The following ZNF487 variants were observed in gnomAD, a reference collection of about 807,000 sequenced individuals.
ZNF487 encodes KRAB domain only 1.
Under a neutral mutation model 3.0 loss-of-function variants are expected in ZNF487, and 4 were observed. The ratio of observed to expected loss-of-function variants is 1.35; its 90% CI spans 0.66 to 3.08. The LOEUF (loss-of-function observed/expected upper bound fraction) is 3.08, where lower values mean the gene tolerates loss of function less well. Among genes scored for constraint, ZNF487 ranks in the 30% most tolerant of loss-of-function variants. The probability of loss-of-function intolerance (pLI) is 0.01; values close to 1 mark genes in which losing one functional copy is unlikely to be tolerated. For missense variants in ZNF487, 146 were observed against 98.7 expected (o/e 1.48, Z -2.03); for synonymous variants, 55 against 34.6 (o/e 1.59, Z -2.06).
At chr10:43,442,429 AATTT>A (rs566488632) in intron 1 of ZNF487, among the ~76,000 whole-genome samples, 48 of 151,818 alleles carry the variant, frequency 3.2e-4, no homozygotes, top group African/African-American at 1.0e-3. Context: ...GATTTTCCTG[AATTT>A]ATTTATTTAT....
At chr10:43,442,361 G>A (rs990625921) in intron 1 of ZNF487, among the ~76,000 whole-genome samples, 17 of 151,954 alleles carry the variant, frequency 1.1e-4, no homozygotes, top group African/African-American at 3.4e-4. Flanking sequence ...GAGCACTGAC[G>A]TCTTTATTCT....
At chr10:43,442,494 A>AG (rs1394943942) in intron 1 of ZNF487, among the ~76,000 whole-genome samples, 59 of 152,196 alleles carry the variant, frequency 3.9e-4, no homozygotes, top group Non-Finnish European at 1.0e-4. Flanking sequence ...CCCAGGCTGG[A>AG]GTGCAGTGGC....
chr10:43,514,900 C>T, the ZNF487 span, among the ~76,000 whole-genome samples: 1 of 152,216 alleles, frequency 6.6e-6, no homozygotes, highest in Non-Finnish European at 1.5e-5. Flanking sequence ...GACTAATCCA[C>T]TCCACCATCC....
At chr10:43,520,020 G>A in the ZNF487 span, among the ~76,000 whole-genome samples, 35 of 152,138 alleles carry the variant, frequency 2.3e-4, no homozygotes, top group Non-Finnish European at 4.4e-4. Flanking sequence ...TCTTATTGCT[G>A]TTGTTCTTGT....
At chr10:43,521,914 T>C in the ZNF487 span, among the ~76,000 whole-genome samples, 1 of 77,194 alleles carries the variant, frequency 1.3e-5, no homozygotes, top group African/African-American at 4.5e-5. Flanking sequence ...TGACTTTATA[T>C]ATACAAAAAG....
chr10:43,493,585 G>A, the ZNF487 span, among the ~76,000 whole-genome samples: 1 of 150,826 alleles, frequency 6.6e-6, no homozygotes, highest in African/African-American at 2.4e-5. Flanking sequence ...CAGCTACTTG[G>A]GAGGTTGAAG....
chr10:43,460,383 T>C (rs1840387260), intron 1 of ZNF487, among the ~76,000 whole-genome samples: 1 of 146,138 alleles, frequency 6.8e-6, no homozygotes, highest in Non-Finnish European at 1.5e-5. Context: ...TTTCTTTCTT[T>C]TTTTTTTTTT....
downstream of ZNF487, among the ~76,000 whole-genome samples, chr10:43,485,322 A>G (rs1305634449): frequency 6.6e-6 from 1 of 152,246 alleles, no homozygotes; most frequent in East Asian, 1.9e-4. Context: ...TACAAGTTTT[A>G]TGGTCTTTCA....
chr10:43,498,075 TTA>T, the ZNF487 span, among the ~76,000 whole-genome samples: 546 of 34,968 alleles, frequency 0.016, 25 homozygotes, highest in African/African-American at 0.028. Flanking sequence ...ATTTGGTATT[TTA>T]TATATATATA....
the ZNF487 span, among the ~76,000 whole-genome samples, chr10:43,518,881 T>G: frequency 6.6e-6 from 1 of 152,224 alleles, no homozygotes; most frequent in Non-Finnish European, 1.5e-5. Context: ...TCTAGACTCC[T>G]ACAGTATTTT....
the ZNF487 span, among the ~76,000 whole-genome samples, chr10:43,511,577 C>T: frequency 6.6e-6 from 1 of 152,176 alleles, no homozygotes; most frequent in Non-Finnish European, 1.5e-5. Context: ...GGTGCCATAT[C>T]AAGGGCTCAG....
At chr10:43,506,562 T>G in the ZNF487 span, among the ~76,000 whole-genome samples, 1 of 152,112 alleles carries the variant, frequency 6.6e-6, no homozygotes, top group Non-Finnish European at 1.5e-5. Context: ...TATCCCTGAG[T>G]AGTATGTTTC....
At chr10:43,488,294 G>T in the ZNF487 span, among the ~76,000 whole-genome samples, 2 of 151,994 alleles carry the variant, frequency 1.3e-5, no homozygotes, top group South Asian at 4.1e-4. Flanking sequence ...CAACTTTAGG[G>T]CAACAAGTAA....
chr10:43,509,458 C>CATATATATATATATATATATATATAT, the ZNF487 span, among the ~76,000 whole-genome samples: 17 of 135,276 alleles, frequency 1.3e-4, no homozygotes, highest in African/African-American at 4.5e-4. Flanking sequence ...ACTAATGGAA[C>CATATATATATATATATATATATATAT]ATATATATAT....
chr10:43,456,519 C>T (rs1256417760), intron 1 of ZNF487, among the ~76,000 whole-genome samples: 1 of 152,158 alleles, frequency 6.6e-6, no homozygotes, highest in Non-Finnish European at 1.5e-5. Flanking sequence ...AATGTCTCTC[C>T]ATTTTCAGGG....
At position 43,441,486 on chromosome 10, in the gene ZNF487, C is replaced by T. The variant is rs186279165; in HGVS notation, c.-94+4224C>T. On this transcript the variant is annotated intron_variant, in intron 1 of 3. Coordinates refer to ENST00000437590, the MANE Select transcript of ZNF487 (RefSeq NM_001355444.3). ...TTCACCTTGTTGGTCAGGTTGGTCT[C>T]GAACTCCTGACCTCAGGTGATCCAC... Among the ~76,000 whole-genome samples, 63 of 151,704 alleles carry T rather than the reference C, an allele frequency of 4.2e-4. No homozygotes were observed. In the East Asian group the frequency reaches 0.011, roughly 27 times the overall value.
the ZNF487 span, among the ~76,000 whole-genome samples, chr10:43,508,628 G>C: frequency 6.6e-6 from 1 of 151,836 alleles, no homozygotes; most frequent in Non-Finnish European, 1.5e-5. Context: ...GGCCAACATG[G>C]CAAAATCCCG....
At chr10:43,501,792 T>TC in the ZNF487 span, among the ~76,000 whole-genome samples, 1 of 150,904 alleles carries the variant, frequency 6.6e-6, no homozygotes. Context: ...ACTTTCCTTT[T>TC]TTTTTTCTTT....
chr10:43,517,035 C>T, the ZNF487 span, among the ~76,000 whole-genome samples: 2 of 152,196 alleles, frequency 1.3e-5, no homozygotes, highest in South Asian at 2.1e-4. Flanking sequence ...ATCTCAACTG[C>T]GTCCAAATTT....
Sources: allele counts gnomAD v4.1 joint callset (sites outside exome capture counted in the v4.1 genomes callset), GRCh38; gene constraint gnomAD v4.1.1; transcripts MANE v1.5; gene names NCBI Gene and HGNC (gene_info 2026-07-23, HGNC 2026-07-21).